Variants in XRCC4 observed in about 807,000 individuals in gnomAD.
XRCC4 encodes the protein DNA repair protein XRCC4.
Under a neutral mutation model 39.1 loss-of-function variants are expected in XRCC4, and 28 were observed. The ratio of observed to expected loss-of-function variants is 0.72; its 90% CI spans 0.53 to 0.98. The LOEUF is 0.98. XRCC4 is among the 50% of genes least tolerant of loss of function. The pLI is 0.00. For missense variants in XRCC4, 350 were observed against 376.4 expected (o/e 0.93, Z 0.58); for synonymous variants, 123 against 126.4 (o/e 0.97, Z 0.18).
chr5:83,325,421 C>G (rs773501591), intron 7 of XRCC4, among the ~76,000 whole-genome samples: 1 of 151,868 alleles, frequency 6.6e-6, no homozygotes, highest in Non-Finnish European at 1.5e-5. Context: ...AGGTATTAAG[C>G]CCAGCATCCA....
At chr5:83,322,743 C>G (rs1756119452) in intron 7 of XRCC4, among the ~76,000 whole-genome samples, 1 of 152,060 alleles carries the variant, frequency 6.6e-6, no homozygotes, top group Admixed American at 6.6e-5. Context: ...TGGCTCCCAG[C>G]CAAGGAATGC....
intron 3 of XRCC4, among the ~76,000 whole-genome samples, chr5:83,123,674 T>C (rs1747119760): frequency 1.3e-5 from 2 of 152,102 alleles, no homozygotes; most frequent in South Asian, 4.1e-4. Flanking sequence ...TTTAGTTATC[T>C]TGTTATCTAT....
chr5:83,078,179 T>C (rs1744758430), intron 1 of XRCC4, among the ~76,000 whole-genome samples: 1 of 152,240 alleles, frequency 6.6e-6, no homozygotes, highest in East Asian at 1.9e-4. Context: ...ACAAGGCAAC[T>C]TTTAATCAGT....
intron 7 of XRCC4, among the ~76,000 whole-genome samples, chr5:83,293,084 C>T (rs933667993): frequency 2.0e-5 from 3 of 151,766 alleles, no homozygotes; most frequent in East Asian, 1.9e-4. Context: ...ATGTGGAACT[C>T]GGGATTTGTC....
chr5:83,325,907 G>A (rs746747031), intron 7 of XRCC4, among the ~76,000 whole-genome samples: 14 of 152,182 alleles, frequency 9.2e-5, no homozygotes, highest in South Asian at 2.1e-4. Context: ...GTGGTTGAGC[G>A]AATTTACACT....
At chr5:83,137,405 G>A (rs1362112774) in intron 3 of XRCC4, among the ~76,000 whole-genome samples, 1 of 152,190 alleles carries the variant, frequency 6.6e-6, no homozygotes, top group Non-Finnish European at 1.5e-5. Flanking sequence ...AATTTAGCAA[G>A]TTTAGTGAGG....
At chr5:83,250,491 T>A (rs899539274) in intron 6 of XRCC4, among the ~76,000 whole-genome samples, 6 of 152,212 alleles carry the variant, frequency 3.9e-5, no homozygotes, top group African/African-American at 1.4e-4. Flanking sequence ...TCTGTCTTGA[T>A]CTATCAGTGG....
At chr5:83,362,804 TC>T in the XRCC4 span, among the ~76,000 whole-genome samples, 1 of 152,184 alleles carries the variant, frequency 6.6e-6, no homozygotes, top group South Asian at 2.1e-4. Context: ...GTATCAATAA[TC>T]TTATTTATTT....
intron 6 of XRCC4, among the ~76,000 whole-genome samples, chr5:83,209,674 T>A (rs1751564437): frequency 6.6e-6 from 1 of 152,080 alleles, no homozygotes; most frequent in South Asian, 2.1e-4. Flanking sequence ...ATGATTTTAA[T>A]TCCTCACTAA....
intron 7 of XRCC4, among the ~76,000 whole-genome samples, chr5:83,262,460 G>C (rs374353918): frequency 6.6e-6 from 1 of 151,986 alleles, no homozygotes; most frequent in Non-Finnish European, 1.5e-5. Flanking sequence ...CACTTTTTTG[G>C]GGGGTGGGGA....
intron 7 of XRCC4, among the ~76,000 whole-genome samples, chr5:83,266,030 C>T (rs146130352): frequency 1.6e-3 from 239 of 151,992 alleles, no homozygotes; most frequent in African/African-American, 5.3e-3. Context: ...TCGTATGTTT[C>T]CTATATGTTA....
intron 7 of XRCC4, among the ~76,000 whole-genome samples, chr5:83,261,609 A>ATT (rs67245313): frequency 7.7e-6 from 1 of 129,572 alleles, no homozygotes; most frequent in African/African-American, 2.7e-5. Context: ...CTATGGCTTA[A>ATT]TTTTTTTTTT....
intron 3 of XRCC4, among the ~76,000 whole-genome samples, chr5:83,166,745 G>A (rs2112604624): frequency 6.6e-6 from 1 of 151,448 alleles, no homozygotes; most frequent in East Asian, 2.0e-4. Context: ...CCAAAGAGTT[G>A]GCATTACAGG....
intron 3 of XRCC4, among the ~76,000 whole-genome samples, chr5:83,112,090 C>T (rs551034036): frequency 2.6e-5 from 4 of 152,036 alleles, no homozygotes; most frequent in East Asian, 1.9e-4. Flanking sequence ...TTTATATTAT[C>T]GTGTAGGGAA....
intron 7 of XRCC4, among the ~76,000 whole-genome samples, chr5:83,348,633 A>T (rs1756990837): frequency 6.6e-6 from 1 of 152,248 alleles, no homozygotes; most frequent in African/African-American, 2.4e-5. Context: ...AGGGGCTGCC[A>T]TGAAGATCTC....
intron 6 of XRCC4, among the ~76,000 whole-genome samples, chr5:83,235,819 A>G (rs1323818067): frequency 6.6e-6 from 1 of 152,180 alleles, no homozygotes; most frequent in Non-Finnish European, 1.5e-5. Flanking sequence ...TATATTTAGA[A>G]AAACTTGTAG....
the XRCC4 span, among the ~76,000 whole-genome samples, chr5:83,371,903 A>C: frequency 6.6e-6 from 1 of 152,218 alleles, no homozygotes; most frequent in Non-Finnish European, 1.5e-5. Flanking sequence ...ACACATTTTA[A>C]ATCAAAGTTC....
At chr5:83,207,454 A>G (rs555151416) in intron 6 of XRCC4, among the ~76,000 whole-genome samples, 2 of 152,182 alleles carry the variant, frequency 1.3e-5, no homozygotes, top group Admixed American at 6.5e-5. Flanking sequence ...CATATGATCT[A>G]TAGGTCTCTG....
chr5:83,087,662 C>CA (rs911372348), intron 1 of XRCC4, among the ~76,000 whole-genome samples: 38 of 143,430 alleles, frequency 2.6e-4, no homozygotes, highest in Admixed American at 8.4e-4. Context: ...GACCCTGTGT[C>CA]AAAAAAAAAA....
Sources: gnomAD v4.1 joint callset for allele counts (sites outside exome capture counted in the v4.1 genomes callset) on GRCh38, gnomAD v4.1.1 for gene constraint, MANE v1.5 for transcripts, NCBI Gene and HGNC (gene_info 2026-07-23, HGNC 2026-07-21) for gene names.